The following CDK8 variants were observed in gnomAD, a reference collection of about 807,000 sequenced individuals.
CDK8 encodes the protein cyclin-dependent kinase 8.
CDK8 carries 29 observed loss-of-function variants against 71.5 expected under a neutral mutation model. The observed-to-expected ratio is 0.41, with a 90% CI of 0.30 to 0.55. The LOEUF (loss-of-function observed/expected upper bound fraction) is 0.55, where lower values mean the gene tolerates loss of function less well. Ranked by LOEUF, CDK8 falls within the 20% of genes least tolerant of loss-of-function variation. The pLI, the probability that CDK8 is intolerant of heterozygous loss-of-function variation, is 0.37. For missense variants in CDK8, 288 were observed against 572.6 expected (o/e 0.50, Z 5.07); for synonymous variants, 161 against 192.1 (o/e 0.84, Z 1.34).
intron 1 of CDK8, among the ~76,000 whole-genome samples, chr13:26,299,078 G>C (rs1382702468): frequency 1.3e-5 from 2 of 152,226 alleles, no homozygotes; most frequent in South Asian, 4.2e-4. Flanking sequence ...CTTAGTAAAG[G>C]GTGCTTCTTG....
intron 2 of CDK8, among the ~76,000 whole-genome samples, chr13:26,338,353 G>C (rs1873078196): frequency 6.6e-6 from 1 of 151,940 alleles, no homozygotes; most frequent in Non-Finnish European, 1.5e-5. Context: ...AGTCTATTAT[G>C]ACCTGGAAAT....
intron 1 of CDK8, chr13:26,324,904 C>A: frequency 3.7e-6 from 1 of 270,932 alleles, no homozygotes; most frequent in Non-Finnish European, 5.6e-6. Context: ...AAGAAAAGAC[C>A]AAGTGTTTCT....
At chr13:26,311,286 A>G (rs550914220) in intron 1 of CDK8, among the ~76,000 whole-genome samples, 36 of 152,024 alleles carry the variant, frequency 2.4e-4, no homozygotes, top group Middle Eastern at 3.4e-3. Context: ...CCTTTACCGT[A>G]TATTTTTGTT....
chr13:26,391,775 A>G (rs1223252497), intron 6 of CDK8, among the ~76,000 whole-genome samples: 1 of 152,250 alleles, frequency 6.6e-6, no homozygotes, highest in Non-Finnish European at 1.5e-5. Context: ...GTTCTCTGAT[A>G]TGTAAATACG....
At chr13:26,365,118 G>A (rs1254808871) in intron 4 of CDK8, among the ~76,000 whole-genome samples, 2 of 152,136 alleles carry the variant, frequency 1.3e-5, no homozygotes, top group East Asian at 3.9e-4. Flanking sequence ...ATTGTACCTT[G>A]TTTAATTGGG....
chr13:26,332,973 A>C (rs1457681281), intron 1 of CDK8, among the ~76,000 whole-genome samples: 3 of 152,174 alleles, frequency 2.0e-5, no homozygotes, highest in African/African-American at 7.2e-5. Flanking sequence ...GCCTGATGCC[A>C]CAAGTGGAAA....
chr13:26,294,876 A>G (rs944972571), intron 1 of CDK8, among the ~76,000 whole-genome samples: 1 of 151,922 alleles, frequency 6.6e-6, no homozygotes, highest in African/African-American at 2.4e-5. Context: ...CAGCCTCCTT[A>G]GTAGCTGGGA....
intron 8 of CDK8, 83 bp from the exon 9 acceptor site, chr13:26,397,070 A>G: frequency 1.3e-6 from 1 of 774,294 alleles, no homozygotes; most frequent in Non-Finnish European, 2.3e-6. Flanking sequence ...TTATGATCAA[A>G]ATAATTCTCA....
intron 4 of CDK8, among the ~76,000 whole-genome samples, chr13:26,356,120 G>T (rs895036054): frequency 2.0e-5 from 3 of 152,100 alleles, no homozygotes; most frequent in Non-Finnish European, 4.4e-5. Context: ...TCTGTTAGTG[G>T]TGTACTAAGT....
rs1041470902 is a variant in CDK8, at chr13:26,375,451, T to G, written c.457-7363T>G. Among the ~76,000 whole-genome samples the G allele has an allele frequency of 3.3e-5, 5 of 152,340 alleles. No homozygotes were observed. In the East Asian group the frequency reaches 7.7e-4, roughly 23 times the overall value. On this transcript the variant is annotated intron_variant, in intron 4 of 12. Transcript: ENST00000381527. ...TATCACTCTTAAGATACAGACACCC[T>G]TTTATATTGCAAATGGAAATGCAAA...
At chr13:26,395,437 C>T (rs866379423) in intron 7 of CDK8, among the ~76,000 whole-genome samples, 12 of 150,538 alleles carry the variant, frequency 8.0e-5, no homozygotes, top group Non-Finnish European at 5.9e-5. Context: ...GAGCCGAGAT[C>T]GCACCATTGC....
intron 9 of CDK8, among the ~76,000 whole-genome samples, chr13:26,398,283 T>G (rs1031666232): frequency 2.0e-5 from 3 of 152,196 alleles, no homozygotes; most frequent in Non-Finnish European, 4.4e-5. Context: ...AGTTAGATCC[T>G]TCGAAATTAT....
chr13:26,331,751 C>A (rs552910534), intron 1 of CDK8, among the ~76,000 whole-genome samples: 2 of 152,252 alleles, frequency 1.3e-5, no homozygotes, highest in East Asian at 3.9e-4. Flanking sequence ...TGTGATGCCT[C>A]CAGCTATGTT....
At chr13:26,292,915 T>C (rs1364714667) in intron 1 of CDK8, among the ~76,000 whole-genome samples, 1 of 152,206 alleles carries the variant, frequency 6.6e-6, no homozygotes, top group Non-Finnish European at 1.5e-5. Context: ...TTTCCATTTT[T>C]CTGAACTTTT....
intron 1 of CDK8, among the ~76,000 whole-genome samples, chr13:26,305,827 C>T (rs1357100595): frequency 6.6e-6 from 1 of 152,042 alleles, no homozygotes; most frequent in Non-Finnish European, 1.5e-5. Context: ...TTGAGGTACT[C>T]TGTTGGAATT....
At chr13:26,326,889 C>G (rs893007829) in intron 1 of CDK8, among the ~76,000 whole-genome samples, 1 of 152,052 alleles carries the variant, frequency 6.6e-6, no homozygotes, top group African/African-American at 2.4e-5. Flanking sequence ...ATTATCTTAA[C>G]TAGAATTAAT....
chr13:26,336,753 G>A (rs1329250655), intron 1 of CDK8, among the ~76,000 whole-genome samples: 5 of 151,692 alleles, frequency 3.3e-5, no homozygotes, highest in South Asian at 4.2e-4. Context: ...ACAGGGTTTC[G>A]CCATGTTAGC....
At chr13:26,343,504 T>C (rs1873329461) in intron 2 of CDK8, among the ~76,000 whole-genome samples, 1 of 152,206 alleles carries the variant, frequency 6.6e-6, no homozygotes, top group Non-Finnish European at 1.5e-5. Context: ...CTTTTGTCTA[T>C]GGATTCGCCC....
At chr13:26,309,014 T>C (rs1432227592) in intron 1 of CDK8, among the ~76,000 whole-genome samples, 2 of 152,218 alleles carry the variant, frequency 1.3e-5, no homozygotes, top group African/African-American at 2.4e-5. Flanking sequence ...AGCTTTCTTA[T>C]AGGATTGTTA....
Sources: allele counts gnomAD v4.1 joint callset (sites outside exome capture counted in the v4.1 genomes callset), GRCh38; gene constraint gnomAD v4.1.1; transcripts MANE v1.5; gene names NCBI Gene and HGNC (gene_info 2026-07-23, HGNC 2026-07-21).